EDIL3: variants seen among roughly 807,000 people sequenced by gnomAD.
EDIL3 encodes the protein EGF like and discoidin domains 3, also known as EGF-like repeat and discoidin I-like domain-containing protein 3.
A neutral mutation model predicts 67.4 loss-of-function variants in EDIL3; 37 were observed. The observed-to-expected ratio is 0.55, with a 90% CI of 0.42 to 0.72. The LOEUF is 0.72. EDIL3 is among the 30% of genes least tolerant of loss of function. The probability of loss-of-function intolerance (pLI) is 0.00; values close to 1 mark genes in which losing one functional copy is unlikely to be tolerated. For missense variants in EDIL3, 527 were observed against 586.3 expected, an observed-to-expected ratio of 0.90 and a Z score of 1.04; for synonymous variants, 195 against 196.3, an observed-to-expected ratio of 0.99 and a Z score of 0.05.
At chr5:83,972,793 A>T (rs1329874302) in intron 9 of EDIL3, among the ~76,000 whole-genome samples, 1 of 152,116 alleles carries the variant, frequency 6.6e-6, no homozygotes, top group Non-Finnish European at 1.5e-5. Context: ...TATTATAAAG[A>T]TTAAATATAA....
intron 1 of EDIL3, among the ~76,000 whole-genome samples, chr5:84,288,931 G>A (rs1210061281): frequency 1.3e-5 from 2 of 151,828 alleles, no homozygotes; most frequent in East Asian, 1.9e-4. Flanking sequence ...ATAAGTGCTC[G>A]AGAATACTTG....
intron 1 of EDIL3, among the ~76,000 whole-genome samples, chr5:84,310,651 G>C (rs904247096): frequency 3.3e-5 from 5 of 152,258 alleles, no homozygotes; most frequent in Middle Eastern, 3.4e-3. Flanking sequence ...AATATTTGCT[G>C]TGTCCTAAGG....
rs547423551 is a variant in EDIL3, at chr5:84,095,156, G to C, written c.651+11493C>G. The stretch of plus-strand genomic sequence containing the variant: ...AGTACAAACCTAAGATTTATAAGGA[G>C]ACGAGACATATTTTTACTGTGAAGT... On this transcript the variant is annotated intron_variant, in intron 6 of 10. Transcript: ENST00000296591. Among the ~76,000 whole-genome samples, 43 of 152,242 alleles carry C rather than the reference G, an allele frequency of 2.8e-4. No homozygotes were observed. In the South Asian group the frequency reaches 8.5e-3, roughly 30 times the overall value.
Position 83,963,379 on chromosome 5 carries a change from A to G in EDIL3, c.1138-19T>C, listed in dbSNP as rs541691786. 8 of 1,584,776 alleles carry G rather than the reference A, an allele frequency of 5.0e-6. No individual in the cohort carries two copies. In the African/African-American group the frequency reaches 8.2e-5, roughly 16 times the overall value. ...GATCCACCTTAAAAAAAAGAAAAATACAGGCTTTAAATGCGACAACCAAGT... is the reference window on the plus strand; with the variant it reads ...GATCCACCTTAAAAAAAAGAAAAATGCAGGCTTTAAATGCGACAACCAAGT... On this transcript the variant is annotated intron_variant, in intron 9 of 10. Coordinates refer to ENST00000296591, the MANE Select transcript of EDIL3 (RefSeq NM_005711.5).
At chr5:84,354,656 C>CA (rs11394541) in intron 1 of EDIL3, among the ~76,000 whole-genome samples, 132,293 of 140,252 alleles carry the variant, frequency 0.94, 62,452 homozygotes, top group South Asian at 0.96. Context: ...GACTCCATCT[C>CA]AAAAAAAAAA....
chr5:84,364,493 C>A (rs1035235572), intron 1 of EDIL3, among the ~76,000 whole-genome samples: 3 of 152,112 alleles, frequency 2.0e-5, no homozygotes, highest in African/African-American at 7.2e-5. Context: ...TCCAGATCTC[C>A]ATGATCTTCA....
chr5:84,278,386 AG>A (rs1745630139), intron 1 of EDIL3, among the ~76,000 whole-genome samples: 1 of 152,182 alleles, frequency 6.6e-6, no homozygotes, highest in Non-Finnish European at 1.5e-5. Flanking sequence ...CCTGGCATGA[AG>A]TAAGAGACTC....
intron 2 of EDIL3, among the ~76,000 whole-genome samples, chr5:84,251,714 C>T (rs1219953683): frequency 3.3e-5 from 5 of 152,134 alleles, no homozygotes; most frequent in South Asian, 2.1e-4. Context: ...ATAAAAATTA[C>T]GTCATAATAT....
intron 1 of EDIL3, among the ~76,000 whole-genome samples, chr5:84,290,748 T>G (rs1745898166): frequency 6.6e-6 from 1 of 152,188 alleles, no homozygotes; most frequent in Admixed American, 6.5e-5. Context: ...TTTTGCCACT[T>G]CTTTCGGTCT....
chr5:84,141,930 T>TATATATATATATATATATATAC (rs1748201156), intron 4 of EDIL3, among the ~76,000 whole-genome samples: 1 of 125,638 alleles, frequency 8.0e-6, no homozygotes, highest in Non-Finnish European at 1.6e-5. Flanking sequence ...TATACACATA[T>TATATATATATATATATATATAC]ATATATATAT....
At chr5:84,380,603 A>T (rs369584853) in intron 1 of EDIL3, among the ~76,000 whole-genome samples, 1 of 152,128 alleles carries the variant, frequency 6.6e-6, no homozygotes, top group Non-Finnish European at 1.5e-5. Context: ...AACAAATATC[A>T]GAATTACTTT....
intron 5 of EDIL3, among the ~76,000 whole-genome samples, chr5:84,129,703 T>C (rs1003795113): frequency 6.6e-6 from 1 of 152,138 alleles, no homozygotes; most frequent in African/African-American, 2.4e-5. Context: ...AATTAAATAT[T>C]TATTTTTCTT....
intron 5 of EDIL3, among the ~76,000 whole-genome samples, chr5:84,113,721 C>G (rs1263618337): frequency 6.6e-6 from 1 of 152,198 alleles, no homozygotes; most frequent in East Asian, 1.9e-4. Flanking sequence ...GTGAGATGCA[C>G]AGCTGAATCC....
intron 1 of EDIL3, among the ~76,000 whole-genome samples, chr5:84,296,822 A>G (rs1045684488): frequency 2.0e-5 from 3 of 152,214 alleles, no homozygotes; most frequent in Non-Finnish European, 4.4e-5. Context: ...AAATTTTTAC[A>G]ATCTACCCAT....
intron 1 of EDIL3, among the ~76,000 whole-genome samples, chr5:84,361,563 G>A (rs1280482384): frequency 3.3e-5 from 5 of 151,696 alleles, no homozygotes; most frequent in Non-Finnish European, 7.4e-5. Flanking sequence ...GATTTAATAG[G>A]TTAGATTGCT....
chr5:84,037,302 T>A (rs927088537), intron 9 of EDIL3, among the ~76,000 whole-genome samples: 1 of 152,190 alleles, frequency 6.6e-6, no homozygotes, highest in Non-Finnish European at 1.5e-5. Flanking sequence ...ACTTTAATGC[T>A]ATTGCTGATC....
In EDIL3 at chr5:84,063,484, T is replaced by C. The variant is rs115940223; in HGVS notation, c.952+1216A>G. ...GGTTGCTTCAAAAAATACACCAACATAGAATATGAAAATGTGATTCTTAAA... is the reference window on the plus strand; with the variant it reads ...GGTTGCTTCAAAAAATACACCAACACAGAATATGAAAATGTGATTCTTAAA... On this transcript the variant is annotated intron_variant, in intron 8 of 10. Transcript: ENST00000296591. Among the ~76,000 whole-genome samples, 710 of 152,222 alleles carry C rather than the reference T, an allele frequency of 4.7e-3. 4 individuals are homozygous for C. The highest frequency in any genetic ancestry group is 6.5e-3 in the Non-Finnish European group (439 of 67,960).
At chr5:84,075,915 CACAG>C (rs1412886075) in intron 6 of EDIL3, among the ~76,000 whole-genome samples, 368 of 147,968 alleles carry the variant, frequency 2.5e-3, no homozygotes, top group African/African-American at 7.8e-3. Context: ...CACACACACA[CACAG>C]ACACACACTC....
chr5:83,949,900 G>C (rs1386370040), intron 10 of EDIL3, among the ~76,000 whole-genome samples: 1 of 151,810 alleles, frequency 6.6e-6, no homozygotes, highest in Admixed American at 6.6e-5. Flanking sequence ...ACACCAGATA[G>C]CCTATGCTAA....
Sources: allele counts gnomAD v4.1 joint callset (sites outside exome capture counted in the v4.1 genomes callset), GRCh38; gene constraint gnomAD v4.1.1; transcripts MANE v1.5; gene names NCBI Gene and HGNC (gene_info 2026-07-23, HGNC 2026-07-21).